ADD3: variants seen among roughly 807,000 people sequenced by gnomAD.
The protein encoded by ADD3 is gamma-adducin.
In ADD3, 25 loss-of-function variants were observed where a neutral mutation model predicts 80.2. That is an observed-to-expected ratio of 0.31 (90% CI 0.23 to 0.44). The LOEUF is 0.44. Among genes scored for constraint, ADD3 ranks in the 20% least tolerant of loss-of-function variants. The pLI is 1.00. For synonymous variants in ADD3, 284 were observed against 289.6 expected (o/e 0.98, Z 0.20); for missense variants, 829 against 847.5 (o/e 0.98, Z 0.27).
In ADD3 at chr10:110,122,380, C is replaced by A. The variant is rs568094005; in HGVS notation, c.1143+88C>A. On this transcript the variant is annotated intron_variant, in intron 9 of 14. Coordinates refer to ENST00000356080, the MANE Select transcript of ADD3 (RefSeq NM_016824.5). The stretch of plus-strand genomic sequence containing the variant: ...CCATTTTTGTAGAACATGCTCCATA[C>A]TCTTCCAGAAGCTGAGTTTGGCCCT... 1.4e-5 allele frequency: 17 copies of A among 1,213,714 alleles called. No individual in the cohort carries two copies. In the East Asian group the frequency reaches 3.8e-4, roughly 27 times the overall value. 75.2% of individuals were successfully genotyped at this position (1,213,714 alleles called of 1,614,324 possible). A position where few individuals can be genotyped will look rare whatever the true frequency, so the allele number is the denominator to read the frequency against.
At chr10:110,104,993 G>A (rs1457092324) in intron 2 of ADD3, among the ~76,000 whole-genome samples, 1 of 152,090 alleles carries the variant, frequency 6.6e-6, no homozygotes, top group Non-Finnish European at 1.5e-5. Context: ...CATCTTCAAA[G>A]CCTGCTGCTT....
At chr10:110,001,244 G>A (rs1367868943), upstream of ADD3, among the ~76,000 whole-genome samples, 3 of 151,730 alleles carry the variant, frequency 2.0e-5, no homozygotes, top group South Asian at 2.1e-4. Context: ...GCAAAACCCC[G>A]TCTCTACTAA....
chr10:110,128,790 T>C (rs567177690), intron 12 of ADD3, among the ~76,000 whole-genome samples: 3 of 152,336 alleles, frequency 2.0e-5, no homozygotes, highest in African/African-American at 7.2e-5. Context: ...CTTTACACTT[T>C]CTCTTATTGC....
rs556874845 is a variant in ADD3, at chr10:110,030,143, G to A, written c.-30+21844G>A. On this transcript the variant is annotated intron_variant, in intron 1 of 14. Coordinates refer to ENST00000356080, the MANE Select transcript of ADD3 (RefSeq NM_016824.5). ...GTTCGAGACCAGCCTGACCAACATG[G>A]AGAAACCTCATCTCTACTAAAAATA... Among the ~76,000 whole-genome samples the A allele has an allele frequency of 9.1e-3, 1,369 of 149,622 alleles. 18 individuals are homozygous for A. The highest frequency in any genetic ancestry group is 0.046 in the South Asian group (202 of 4,372).
intron 1 of ADD3, among the ~76,000 whole-genome samples, chr10:110,029,452 G>A (rs1339193770): frequency 6.6e-6 from 1 of 152,162 alleles, no homozygotes; most frequent in Non-Finnish European, 1.5e-5. Context: ...ATAACAATGT[G>A]TTCTGAATCT....
chr10:110,006,016 C>CGCCGCT (rs1564825821), upstream of ADD3: 1 of 229,814 alleles, frequency 4.4e-6, no homozygotes, highest in East Asian at 1.5e-4. Flanking sequence ...CCGCCGCCGC[C>CGCCGCT]GCTGCTGCTG....
chr10:110,038,688 C>G (rs1185788755), intron 1 of ADD3, among the ~76,000 whole-genome samples: 1 of 151,984 alleles, frequency 6.6e-6, no homozygotes, highest in African/African-American at 2.4e-5. Flanking sequence ...TTCATTGACT[C>G]GATAATTCTC....
At chr10:110,130,044 C>G (rs1296911500) in intron 12 of ADD3, among the ~76,000 whole-genome samples, 1 of 151,948 alleles carries the variant, frequency 6.6e-6, no homozygotes, top group Non-Finnish European at 1.5e-5. Flanking sequence ...TGGAGCAATT[C>G]TTGTTTTTTT....
chr10:110,069,294 A>T (rs1844384561), intron 1 of ADD3, among the ~76,000 whole-genome samples: 1 of 152,228 alleles, frequency 6.6e-6, no homozygotes, highest in Admixed American at 6.5e-5. Flanking sequence ...TTTGTTATTT[A>T]TTTGTACTTC....
At chr10:110,018,524 C>G (rs146587691) in intron 1 of ADD3, among the ~76,000 whole-genome samples, 3 of 62,296 alleles carry the variant, frequency 4.8e-5, no homozygotes, top group African/African-American at 2.1e-4. Flanking sequence ...GAGACTTTGT[C>G]TCAAAAAAAA....
chr10:110,123,524 C>G (rs2134165504), intron 9 of ADD3, among the ~76,000 whole-genome samples: 1 of 152,254 alleles, frequency 6.6e-6, no homozygotes, highest in Non-Finnish European at 1.5e-5. Context: ...GATCCTTTGC[C>G]TATTTTTTAA....
chr10:110,110,726 G>C (rs1590166484), intron 2 of ADD3, among the ~76,000 whole-genome samples: 1 of 151,616 alleles, frequency 6.6e-6, no homozygotes, highest in East Asian at 1.9e-4. Flanking sequence ...GGCTGAGTGT[G>C]GTGGCTCACA....
At chr10:110,009,915 G>T (rs1209099110) in intron 1 of ADD3, among the ~76,000 whole-genome samples, 1 of 152,172 alleles carries the variant, frequency 6.6e-6, no homozygotes, top group Non-Finnish European at 1.5e-5. Context: ...GAAATGTTTG[G>T]TGAACATTTG....
chr10:110,071,904 A>G (rs1256780922), intron 1 of ADD3, among the ~76,000 whole-genome samples: 1 of 146,668 alleles, frequency 6.8e-6, no homozygotes, highest in Non-Finnish European at 1.5e-5. Flanking sequence ...TTTATCCAGA[A>G]AAAGCCTATT....
In ADD3 at chr10:110,020,447, T is replaced by G. The variant is rs541046091; in HGVS notation, c.-30+12148T>G. ...AAAGTCCTCACAGAGAAGGTGACCT[T>G]GAAGATGATGAGAGAGCATGCATGT... On this transcript the variant is annotated intron_variant, in intron 1 of 14. Transcript: ENST00000356080. 4.6e-5 allele frequency among the ~76,000 whole-genome samples: 7 copies of G among 152,080 alleles called. No homozygotes were observed. In the South Asian group the frequency reaches 1.5e-3, roughly 32 times the overall value.
intron 1 of ADD3, among the ~76,000 whole-genome samples, chr10:110,091,626 A>C (rs1847526163): frequency 6.6e-6 from 1 of 152,126 alleles, no homozygotes; most frequent in Non-Finnish European, 1.5e-5. Context: ...ACCATATACA[A>C]AATTCAACTC....
intron 1 of ADD3, among the ~76,000 whole-genome samples, chr10:110,030,990 G>GT (rs1442969972): frequency 6.8e-6 from 1 of 148,072 alleles, no homozygotes; most frequent in Non-Finnish European, 1.5e-5. Flanking sequence ...AAATAAATTT[G>GT]TAAGTCCAGG....
chr10:110,133,597 A>G lies in ADD3; in HGVS notation c.2100A>G (p.Lys700=), dbSNP rs1237839289. 3 of 1,588,448 alleles carry G rather than the reference A, an allele frequency of 1.9e-6. No individual in the cohort carries two copies. In the Admixed American group the frequency reaches 5.5e-5, roughly 29 times the overall value. Residue 700 remains lysine (K), a synonymous_variant, in exon 15 of 15, where the codon AAA becomes AAG. Coordinates refer to ENST00000356080, the MANE Select transcript of ADD3 (RefSeq NM_016824.5). ...CTTCTTTTCTGAAAAAGAACAAAAA[A>G]AAGGAGAAAGTTGAGGCCTAAATAA... ...RTPSFLKKNK[K]KEKVEA
chr10:110,004,476 A>G (rs12256680), upstream of ADD3, among the ~76,000 whole-genome samples: 695 of 152,062 alleles, frequency 4.6e-3, 11 homozygotes, highest in African/African-American at 0.015. Flanking sequence ...TGAGTCGACT[A>G]ATTTTTGTAT....
Sources: gnomAD v4.1 joint callset for allele counts (sites outside exome capture counted in the v4.1 genomes callset) on GRCh38, gnomAD v4.1.1 for gene constraint, MANE v1.5 for transcripts, NCBI Gene and HGNC (gene_info 2026-07-23, HGNC 2026-07-21) for gene names.